AGMO: variants seen among roughly 807,000 people sequenced by gnomAD.
The protein encoded by AGMO is alkylglycerol monooxygenase.
A neutral mutation model predicts 60.2 loss-of-function variants in AGMO; 75 were observed. The observed-to-expected ratio is 1.25, with a 90% CI of 1.03 to 1.51. AGMO has a LOEUF of 1.51. AGMO is among the 40% of genes most tolerant of loss of function. AGMO has a pLI of 0.00. For missense variants in AGMO, 763 were observed against 525.5 expected (o/e 1.45, Z -4.42); for synonymous variants, 261 against 177.1 (o/e 1.47, Z -3.76).
At chr7:15,374,431 C>G (rs1466836856) in intron 10 of AGMO, among the ~76,000 whole-genome samples, 1 of 151,972 alleles carries the variant, frequency 6.6e-6, no homozygotes, top group Non-Finnish European at 1.5e-5. Context: ...TCATCAGTTT[C>G]TACAAAAAAT....
chr7:15,537,550 T>C (rs1784512712), intron 3 of AGMO, among the ~76,000 whole-genome samples: 1 of 152,162 alleles, frequency 6.6e-6, no homozygotes, highest in Non-Finnish European at 1.5e-5. Flanking sequence ...CTCGAAAATA[T>C]TGCACAGCCG....
intron 4 of AGMO, among the ~76,000 whole-genome samples, chr7:15,422,760 A>T (rs112064271): frequency 1.2e-3 from 182 of 152,154 alleles, no homozygotes; most frequent in African/African-American, 4.2e-3. Flanking sequence ...AGGGGCACGA[A>T]ATTGCCAACC....
intron 12 of AGMO, among the ~76,000 whole-genome samples, chr7:15,274,339 T>C (rs1583351755): frequency 2.0e-5 from 3 of 152,194 alleles, no homozygotes; most frequent in Admixed American, 6.5e-5. Context: ...GGCTGTTGAA[T>C]GTTGTCAAAG....
At chr7:15,294,858 C>G (rs759777478) in intron 12 of AGMO, among the ~76,000 whole-genome samples, 1 of 151,676 alleles carries the variant, frequency 6.6e-6, no homozygotes, top group Non-Finnish European at 1.5e-5. Flanking sequence ...ACATATGCAA[C>G]TGAAAAGTCA....
chr7:15,333,416 AAAAC>A (rs1261077189), intron 12 of AGMO, among the ~76,000 whole-genome samples: 1 of 152,106 alleles, frequency 6.6e-6, no homozygotes, highest in African/African-American at 2.4e-5. Context: ...GACTTTTAAC[AAAAC>A]AAACACCTTG....
At chr7:15,529,658 A>AC (rs1421424282) in intron 3 of AGMO, among the ~76,000 whole-genome samples, 319 of 28,432 alleles carry the variant, frequency 0.011, 101 homozygotes, top group African/African-American at 0.036. Context: ...TATATATTCT[A>AC]TATATATTCT....
At chr7:15,235,081 A>G (rs1468196242) in intron 12 of AGMO, among the ~76,000 whole-genome samples, 1 of 152,076 alleles carries the variant, frequency 6.6e-6, no homozygotes, top group Non-Finnish European at 1.5e-5. Context: ...TTCTTTCTAT[A>G]GATTCTGCAA....
chr7:15,422,211 A>C (rs1217321008), intron 4 of AGMO, among the ~76,000 whole-genome samples: 1 of 152,168 alleles, frequency 6.6e-6, no homozygotes, highest in Non-Finnish European at 1.5e-5. Flanking sequence ...CTGATAACAA[A>C]AAAGGAGACA....
At chr7:15,377,028 A>T (rs987318337) in intron 10 of AGMO, among the ~76,000 whole-genome samples, 1 of 152,090 alleles carries the variant, frequency 6.6e-6, no homozygotes, top group Non-Finnish European at 1.5e-5. Context: ...AACAGAAAAG[A>T]CTGTGGGACC....
In AGMO at chr7:15,303,445, AAG is replaced by A. The variant is rs79961233; in HGVS notation, c.1263+62067_1263+62068del. ...AGAGAATGGAAAAACAGAAAAAAAA[AAG>A]AGAGAGAAGGGGTGGTGAACATCTG... On this transcript the variant is annotated intron_variant, in intron 12 of 12. Coordinates refer to ENST00000342526, the MANE Select transcript of AGMO (RefSeq NM_001004320.2). Among the ~76,000 whole-genome samples the A allele has an allele frequency of 3.0e-3, 453 of 151,902 alleles. 4 individuals are homozygous for A. Among genetic ancestry groups the A allele is most frequent in the Non-Finnish European group, 4.5e-3 (304 of 67,924 alleles).
intron 3 of AGMO, among the ~76,000 whole-genome samples, chr7:15,485,077 C>A (rs1362384104): frequency 6.9e-6 from 1 of 144,964 alleles, no homozygotes; most frequent in Non-Finnish European, 1.5e-5. Flanking sequence ...GCGGGTGGAT[C>A]ATCGAGGTGA....
intron 12 of AGMO, among the ~76,000 whole-genome samples, chr7:15,319,257 T>C (rs1781032945): frequency 6.6e-6 from 1 of 152,116 alleles, no homozygotes; most frequent in African/African-American, 2.4e-5. Context: ...GTGATGTTAG[T>C]GTGGAATTAC....
At position 15,354,457 on chromosome 7, in the gene AGMO, C is replaced by CAT. The variant is rs1276835215; in HGVS notation, c.1263+11056_1263+11057insAT. 8.5e-3 allele frequency among the ~76,000 whole-genome samples: 150 copies of CAT among 17,574 alleles called. 9 individuals carry two copies. Among genetic ancestry groups the CAT allele is most frequent in the African/African-American group, 0.051 (139 of 2,710 alleles). The allele number at this position is 17,574 out of a possible 152,430, so 11.5% of individuals were successfully genotyped here. A position where few individuals can be genotyped will look rare whatever the true frequency, so the allele number is the denominator to read the frequency against. ...GTGTGTATACACACGTGTGTGTATA[C>CAT]ACACGTGTGTGTATACACACGTGTG... On this transcript the variant is annotated intron_variant, in intron 12 of 12. Transcript: ENST00000342526.
At chr7:15,250,458 A>G (rs1782896567) in intron 12 of AGMO, among the ~76,000 whole-genome samples, 1 of 152,126 alleles carries the variant, frequency 6.6e-6, no homozygotes, top group South Asian at 2.1e-4. Context: ...TTCAAGCATT[A>G]TTCTCAATAT....
At chr7:15,215,380 C>A (rs572191479) in intron 12 of AGMO, among the ~76,000 whole-genome samples, 1 of 151,086 alleles carries the variant, frequency 6.6e-6, no homozygotes, top group Non-Finnish European at 1.5e-5. Flanking sequence ...TTTTTCTTTA[C>A]TGTGATGAAG....
intron 10 of AGMO, among the ~76,000 whole-genome samples, chr7:15,374,758 C>T (rs1783378795): frequency 6.6e-6 from 1 of 152,020 alleles, no homozygotes; most frequent in Non-Finnish European, 1.5e-5. Flanking sequence ...CCCAGAGGAG[C>T]TTGGTGGATT....
At chr7:15,377,315 T>C (rs995655386) in intron 10 of AGMO, among the ~76,000 whole-genome samples, 5 of 152,116 alleles carry the variant, frequency 3.3e-5, no homozygotes, top group African/African-American at 1.2e-4. Context: ...CAACTCTACT[T>C]TCAGTTTGTA....
chr7:15,433,959 T>C (rs1781327653), intron 3 of AGMO, among the ~76,000 whole-genome samples: 1 of 152,114 alleles, frequency 6.6e-6, no homozygotes, highest in African/African-American at 2.4e-5. Context: ...TCAATTTTTT[T>C]ATGAAGATGT....
At chr7:15,359,369 T>C (rs1267891080) in intron 12 of AGMO, among the ~76,000 whole-genome samples, 1 of 152,030 alleles carries the variant, frequency 6.6e-6, no homozygotes, top group Non-Finnish European at 1.5e-5. Context: ...ATTGATGACA[T>C]TTTAAATTTA....
Sources: gnomAD v4.1 joint callset for allele counts (sites outside exome capture counted in the v4.1 genomes callset) on GRCh38, gnomAD v4.1.1 for gene constraint, MANE v1.5 for transcripts, NCBI Gene and HGNC (gene_info 2026-07-23, HGNC 2026-07-21) for gene names.